The following FSIP1 variants were observed in gnomAD, a reference collection of about 807,000 sequenced individuals.
FSIP1 encodes the protein fibrous sheath interacting protein 1, also known as fibrous sheath-interacting protein 1.
Under a neutral mutation model 60.9 loss-of-function variants are expected in FSIP1, and 65 were observed. The ratio of observed to expected loss-of-function variants is 1.07; its 90% CI spans 0.87 to 1.31. The LOEUF is 1.31. FSIP1 is among the 40% of genes most tolerant of loss of function. FSIP1 has a pLI of 0.00. For synonymous variants in FSIP1, 209 were observed against 221.2 expected, an observed-to-expected ratio of 0.94 and a Z score of 0.49; for missense variants, 675 against 665.5, an observed-to-expected ratio of 1.01 and a Z score of -0.16.
At chr15:39,619,819 C>T (rs1236390347) in intron 10 of FSIP1, among the ~76,000 whole-genome samples, 1 of 152,066 alleles carries the variant, frequency 6.6e-6, no homozygotes, top group Non-Finnish European at 1.5e-5. Context: ...TACCAAACAT[C>T]CTCATCAAAG....
intron 10 of FSIP1, among the ~76,000 whole-genome samples, chr15:39,711,617 T>C (rs1388471581): frequency 6.6e-6 from 1 of 151,020 alleles, no homozygotes; most frequent in Admixed American, 6.6e-5. Context: ...CAATGTACTA[T>C]CGTTACCACT....
chr15:39,690,873 TA>T (rs1448897584), intron 10 of FSIP1, among the ~76,000 whole-genome samples: 1 of 152,214 alleles, frequency 6.6e-6, no homozygotes, highest in African/African-American at 2.4e-5. Flanking sequence ...AGAAAGGCCC[TA>T]ATGCTAGCCA....
chr15:39,665,611 CTT>C (rs1047208529), intron 10 of FSIP1, among the ~76,000 whole-genome samples: 1 of 152,170 alleles, frequency 6.6e-6, no homozygotes, highest in African/African-American at 2.4e-5. Flanking sequence ...ATTAACTACT[CTT>C]TATCTTACCA....
intron 11 of FSIP1, among the ~76,000 whole-genome samples, chr15:39,606,080 C>A (rs1406443607): frequency 6.6e-6 from 1 of 152,230 alleles, no homozygotes; most frequent in Non-Finnish European, 1.5e-5. Flanking sequence ...GATTCTGCTA[C>A]TTACTTGGAC....
chr15:39,776,270 T>A lies in FSIP1; in HGVS notation c.126+129A>T. The stretch of plus-strand genomic sequence containing the variant: ...TTAATCTAGATTAAAATCCAAGAAA[T>A]CTGCAAGTGCTCCCCAAACACACCG... On this transcript the variant is annotated intron_variant, in intron 2 of 11. Coordinates refer to ENST00000350221, the MANE Select transcript of FSIP1 (RefSeq NM_152597.5). The A allele has an allele frequency of 5.4e-6, 4 of 743,528 alleles. No homozygotes were observed. In the African/African-American group the frequency reaches 7.2e-5, roughly 13 times the overall value. The allele number at this position is 743,528 out of a possible 1,614,324, so 46.1% of individuals were successfully genotyped here.
At chr15:39,652,719 T>C (rs1442887638) in intron 10 of FSIP1, among the ~76,000 whole-genome samples, 1 of 152,220 alleles carries the variant, frequency 6.6e-6, no homozygotes, top group East Asian at 1.9e-4. Context: ...CAAACCTAGA[T>C]GGTGTAGCCT....
chr15:39,695,668 G>T (rs1401226689), intron 10 of FSIP1, among the ~76,000 whole-genome samples: 3 of 152,226 alleles, frequency 2.0e-5, no homozygotes, highest in African/African-American at 7.2e-5. Flanking sequence ...ACTGTTAGGA[G>T]CCCACTGACT....
chr15:39,778,505 G>A (rs1008258459), intron 1 of FSIP1, among the ~76,000 whole-genome samples: 3 of 152,164 alleles, frequency 2.0e-5, no homozygotes, highest in Non-Finnish European at 4.4e-5. Flanking sequence ...CTAGAAAAAG[G>A]TATTGGTAAA....
chr15:39,732,619 CAAAAAAAAAAAAA>C (rs56106819), intron 8 of FSIP1, among the ~76,000 whole-genome samples: 1 of 80,134 alleles, frequency 1.2e-5, no homozygotes, highest in Non-Finnish European at 2.7e-5. Context: ...AACTCCATCT[CAAAAAAAAAAAAA>C]AAAAAAAAAT....
chr15:39,742,159 G>T (rs1896825913), intron 5 of FSIP1, among the ~76,000 whole-genome samples: 1 of 152,144 alleles, frequency 6.6e-6, no homozygotes, highest in Non-Finnish European at 1.5e-5. Context: ...AGCACAAAAA[G>T]GATGTGTAAG....
chr15:39,697,914 A>G (rs1246014851), intron 10 of FSIP1, among the ~76,000 whole-genome samples: 2 of 151,958 alleles, frequency 1.3e-5, no homozygotes, highest in African/African-American at 4.8e-5. Flanking sequence ...TCTCTTCACT[A>G]TTTTTAGACT....
chr15:39,726,953 T>C (rs1303222716), intron 8 of FSIP1, among the ~76,000 whole-genome samples: 1 of 152,218 alleles, frequency 6.6e-6, no homozygotes, highest in Non-Finnish European at 1.5e-5. Context: ...TGCCAGCCTG[T>C]ATAAAGTATC....
At position 39,739,559 on chromosome 15, in the gene FSIP1, CATTT is replaced by C. The variant is rs1175694009; in HGVS notation, c.780+102_780+105del. On this transcript the variant is annotated intron_variant, in intron 7 of 11. Coordinates refer to ENST00000350221, the MANE Select transcript of FSIP1 (RefSeq NM_152597.5). ...ATATCTACTAATTCAATCATTTATA[CATTT>C]ATGATGGTTGAAAAATATTTAAAGA... is the stretch of plus-strand genomic sequence containing the variant. The C allele has an allele frequency of 9.7e-6, 10 of 1,030,594 alleles. No individual in the cohort carries two copies. In the East Asian group the frequency reaches 2.3e-4, roughly 24 times the overall value. 63.8% of individuals were successfully genotyped at this position (1,030,594 alleles called of 1,614,324 possible). A position where few individuals can be genotyped will look rare whatever the true frequency, so the allele number is the denominator to read the frequency against.
intron 10 of FSIP1, among the ~76,000 whole-genome samples, chr15:39,674,336 G>A (rs1447162676): frequency 4.6e-5 from 7 of 152,312 alleles, no homozygotes; most frequent in Middle Eastern, 3.4e-3. Flanking sequence ...TTACAGGCGT[G>A]AGCCACTGCA....
chr15:39,770,552 G>T lies in FSIP1; in HGVS notation c.185C>A (p.Thr62Lys). ...ATCATTACTAGTTCTTCTGTTCTCT[G>T]TATTACTGCTTTCGGAGTGGTCCTC... ...GKEDHSESSNTENRRTSNDDK... is the reference protein window; with the variant it reads ...GKEDHSESSNKENRRTSNDDK... The change falls in exon 3 of 12, where the codon ACA becomes AAA. Residue 62 changes from threonine (T) to lysine (K), a missense_variant. Coordinates refer to ENST00000350221, the MANE Select transcript of FSIP1 (RefSeq NM_152597.5). 1 of 1,604,076 alleles carries T rather than the reference G, an allele frequency of 6.2e-7. No individual in the cohort carries two copies. Among genetic ancestry groups the T allele is most frequent in the South Asian group, 1.1e-5 (1 of 88,938 alleles).
At chr15:39,683,922 G>T (rs78203376) in intron 10 of FSIP1, among the ~76,000 whole-genome samples, 4,095 of 152,252 alleles carry the variant, frequency 0.027, 177 homozygotes, top group African/African-American at 0.092. Flanking sequence ...ACAAAATGCT[G>T]CTGAAAGAAA....
Position 39,739,555 on chromosome 15 carries a change from T to G in FSIP1, c.780+110A>C, listed in dbSNP as rs148169904. Reference sequence around the variant, plus strand: ...CATTATATCTACTAATTCAATCATTTATACATTTATGATGGTTGAAAAATA... The same window carrying G: ...CATTATATCTACTAATTCAATCATTGATACATTTATGATGGTTGAAAAATA... On this transcript the variant is annotated intron_variant, in intron 7 of 11. Transcript: ENST00000350221. 1.4e-4 allele frequency: 142 copies of G among 1,000,998 alleles called. No homozygotes were observed. The East Asian group carries it at 3.6e-3, about 25-fold the overall frequency. 62.0% of individuals were successfully genotyped at this position (1,000,998 alleles called of 1,614,324 possible). A position where few individuals can be genotyped will look rare whatever the true frequency, so the allele number is the denominator to read the frequency against.
chr15:39,611,288 G>T (rs959631159), intron 11 of FSIP1, among the ~76,000 whole-genome samples: 1 of 152,146 alleles, frequency 6.6e-6, no homozygotes, highest in African/African-American at 2.4e-5. Context: ...GCTTAAAATA[G>T]CCTGTTATAA....
chr15:39,713,224 A>C (rs1376416518), intron 10 of FSIP1, among the ~76,000 whole-genome samples: 1 of 152,214 alleles, frequency 6.6e-6, no homozygotes, highest in African/African-American at 2.4e-5. Flanking sequence ...AACAGTCAAA[A>C]GAGACTGAAA....
Sources: allele counts gnomAD v4.1 joint callset (sites outside exome capture counted in the v4.1 genomes callset), GRCh38; gene constraint gnomAD v4.1.1; transcripts MANE v1.5; gene names NCBI Gene and HGNC (gene_info 2026-07-23, HGNC 2026-07-21).